PDE4B: variants seen among roughly 807,000 people sequenced by gnomAD.
PDE4B encodes 3',5'-cyclic-AMP phosphodiesterase 4B.
PDE4B carries 20 observed loss-of-function variants against 82.2 expected under a neutral mutation model. That is an observed-to-expected ratio of 0.24 (90% confidence interval 0.17 to 0.35). The LOEUF (loss-of-function observed/expected upper bound fraction) is 0.35, where lower values mean the gene tolerates loss of function less well. Among genes scored for constraint, PDE4B ranks in the 10% least tolerant of loss-of-function variants. The probability of loss-of-function intolerance (pLI) is 1.00; values close to 1 mark genes in which losing one functional copy is unlikely to be tolerated. For missense variants in PDE4B, 655 were observed against 907.2 expected (o/e 0.72, Z 3.57); for synonymous variants, 320 against 318.9 (o/e 1.00, Z -0.04).
At chr1:65,915,927 T>A (rs1042276176) in intron 2 of PDE4B, among the ~76,000 whole-genome samples, 3 of 152,208 alleles carry the variant, frequency 2.0e-5, no homozygotes, top group African/African-American at 7.2e-5. Flanking sequence ...GAGGTAACAT[T>A]CAAATTAATG....
At chr1:66,094,780 C>A (rs532200728) in intron 3 of PDE4B, among the ~76,000 whole-genome samples, 37 of 152,076 alleles carry the variant, frequency 2.4e-4, no homozygotes, top group Middle Eastern at 3.4e-3. Context: ...GGCCAGCTGG[C>A]ATTCTAAATG....
intron 1 of PDE4B, among the ~76,000 whole-genome samples, chr1:65,856,403 A>G (rs1013610417): frequency 3.3e-5 from 5 of 152,040 alleles, no homozygotes; most frequent in South Asian, 4.1e-4. Flanking sequence ...TCATTGTTCA[A>G]TTCGCACTTA....
At chr1:66,065,202 C>T (rs540705062) in intron 3 of PDE4B, among the ~76,000 whole-genome samples, 21 of 151,952 alleles carry the variant, frequency 1.4e-4, no homozygotes, top group African/African-American at 5.1e-4. Context: ...AGATTGAAAT[C>T]AACTAGTTCT....
intron 7 of PDE4B, among the ~76,000 whole-genome samples, chr1:66,329,747 C>T (rs1432548583): frequency 1.3e-5 from 2 of 152,206 alleles, no homozygotes; most frequent in Admixed American, 1.3e-4. Flanking sequence ...TTTTATCCTT[C>T]TTCTACAGAT....
chr1:65,957,323 G>A (rs961982045), intron 3 of PDE4B, among the ~76,000 whole-genome samples: 7 of 151,604 alleles, frequency 4.6e-5, no homozygotes, highest in Admixed American at 1.3e-4. Flanking sequence ...TTTAAGGTTC[G>A]CCACCATTCG....
chr1:65,823,634 T>C (rs1429852976), intron 1 of PDE4B, among the ~76,000 whole-genome samples: 1 of 152,134 alleles, frequency 6.6e-6, no homozygotes, highest in Non-Finnish European at 1.5e-5. Context: ...TTCTTCTCCC[T>C]GGACCCTAGT....
At chr1:66,007,160 C>G (rs768418226) in intron 3 of PDE4B, among the ~76,000 whole-genome samples, 1 of 151,856 alleles carries the variant, frequency 6.6e-6, no homozygotes, top group East Asian at 1.9e-4. Flanking sequence ...GTATAAAATA[C>G]AGGGCCAGGC....
intron 3 of PDE4B, among the ~76,000 whole-genome samples, chr1:65,930,557 C>T (rs1647776542): frequency 6.6e-6 from 1 of 152,198 alleles, no homozygotes; most frequent in Non-Finnish European, 1.5e-5. Context: ...CATCAGTGTG[C>T]CCTGGATGTG....
At chr1:65,984,998 G>C (rs150368455) in intron 3 of PDE4B, among the ~76,000 whole-genome samples, 1 of 151,742 alleles carries the variant, frequency 6.6e-6, no homozygotes, top group Non-Finnish European at 1.5e-5. Flanking sequence ...TATTTTCTTC[G>C]TTATGAACTA....
intron 1 of PDE4B, among the ~76,000 whole-genome samples, chr1:65,869,817 G>T (rs1646553398): frequency 6.7e-6 from 1 of 148,916 alleles, no homozygotes; most frequent in African/African-American, 2.5e-5. Flanking sequence ...TTTTTAAATG[G>T]CACTTTTGTA....
chr1:65,836,093 C>T (rs916714291), intron 1 of PDE4B, among the ~76,000 whole-genome samples: 4 of 152,088 alleles, frequency 2.6e-5, no homozygotes, highest in Non-Finnish European at 5.9e-5. Context: ...AGGCACACAC[C>T]ACCACACCTG....
At chr1:66,315,764 T>C (rs1658986377) in intron 7 of PDE4B, among the ~76,000 whole-genome samples, 1 of 152,248 alleles carries the variant, frequency 6.6e-6, no homozygotes. Flanking sequence ...TATCAAGCAC[T>C]GTTCAGTCCT....
intron 3 of PDE4B, among the ~76,000 whole-genome samples, chr1:65,919,690 TACA>T (rs1443417621): frequency 1.3e-5 from 2 of 152,242 alleles, no homozygotes; most frequent in African/African-American, 2.4e-5. Flanking sequence ...TAAATTATTG[TACA>T]ACATTATTGT....
At chr1:66,014,051 A>T (rs913406337) in intron 3 of PDE4B, among the ~76,000 whole-genome samples, 1 of 149,314 alleles carries the variant, frequency 6.7e-6, no homozygotes. Flanking sequence ...ATGATTCGTG[A>T]TGTTGAGCAG....
intron 1 of PDE4B, among the ~76,000 whole-genome samples, chr1:65,798,669 A>G (rs1414327163): frequency 6.6e-6 from 1 of 152,238 alleles, no homozygotes; most frequent in Non-Finnish European, 1.5e-5. Flanking sequence ...AAAACACTCT[A>G]GTTTAAATCC....
Position 65,916,767 on chromosome 1 carries a change from C to T in PDE4B, c.43-1830C>T, listed in dbSNP as rs190274011. Among the ~76,000 whole-genome samples, 22 of 152,074 alleles carry T rather than the reference C, an allele frequency of 1.4e-4. No individual in the cohort carries two copies. The East Asian group carries it at 3.5e-3, about 24-fold the overall frequency. On this transcript the variant is annotated intron_variant, in intron 2 of 16. Coordinates refer to ENST00000341517, the MANE Select transcript of PDE4B (RefSeq NM_002600.4). ...ATAGACACACACACACATGCACACA[C>T]ACATACACACACAACATACAGTAAG...
chr1:65,797,416 T>C (rs2101151999), intron 1 of PDE4B, among the ~76,000 whole-genome samples: 1 of 152,340 alleles, frequency 6.6e-6, no homozygotes, highest in South Asian at 2.1e-4. Context: ...TATTTAAATC[T>C]TGTATTTTAA....
intron 3 of PDE4B, among the ~76,000 whole-genome samples, chr1:66,078,458 C>G (rs895108500): frequency 6.6e-6 from 1 of 152,098 alleles, no homozygotes; most frequent in Non-Finnish European, 1.5e-5. Context: ...AATCTGCCCA[C>G]CTCGGTCTCC....
chr1:66,155,366 G>A (rs936868701), intron 3 of PDE4B, among the ~76,000 whole-genome samples: 3 of 151,654 alleles, frequency 2.0e-5, no homozygotes, highest in Admixed American at 2.0e-4. Flanking sequence ...AACTTCACAG[G>A]ACCCATCATG....
Sources: gnomAD v4.1 joint callset for allele counts (sites outside exome capture counted in the v4.1 genomes callset) on GRCh38, gnomAD v4.1.1 for gene constraint, MANE v1.5 for transcripts, NCBI Gene and HGNC (gene_info 2026-07-23, HGNC 2026-07-21) for gene names.